TANC1: variants seen among roughly 807,000 people sequenced by gnomAD.
TANC1 encodes protein TANC1.
In TANC1, 77 loss-of-function variants were observed where a neutral mutation model predicts 149.7. The ratio of observed to expected loss-of-function variants is 0.51; its 90% CI spans 0.43 to 0.62. The LOEUF (loss-of-function observed/expected upper bound fraction) is 0.62. Among genes scored for constraint, TANC1 ranks in the 20% least tolerant of loss-of-function variants. The pLI, the probability that TANC1 is intolerant of heterozygous loss-of-function variation, is 0.00. For synonymous variants in TANC1, 854 were observed against 925.0 expected, an observed-to-expected ratio of 0.92 and a Z score of 1.39; for missense variants, 1,985 against 2,321.8, an observed-to-expected ratio of 0.85 and a Z score of 2.98.
rs758080063 is a variant in TANC1, at chr2:159,230,222, A to G, written c.4796A>G (p.Asp1599Gly). The stretch of plus-strand genomic sequence containing the variant: ...AGAGCTGGTTGTGGCCACTTTGGGG[A>G]TCGGCTGGGCCCCAGCCAGAATGTC... ...TTRAGCGHFGDRLGPSQNVRL... is the reference protein window; with the variant it reads ...TTRAGCGHFGGRLGPSQNVRL... The change falls in exon 27 of 27, where the codon GAT (aspartate) becomes GGT (glycine). Residue 1599 changes from aspartate to glycine, a missense_variant. Asp to Gly is a moderately conservative substitution (Grantham distance 94). Transcript: ENST00000263635. The surrounding 1 kb of genome is among the most constrained non-coding windows in gnomAD (Gnocchi z 4.4). 1.2e-6 allele frequency: 2 copies of G among 1,613,930 alleles called. No individual in the cohort carries two copies. Among genetic ancestry groups the G allele is most frequent in the South Asian group, 1.1e-5 (1 of 91,084 alleles).
intron 3 of TANC1, among the ~76,000 whole-genome samples, chr2:159,087,263 T>C (rs772467030): frequency 1.3e-5 from 2 of 152,162 alleles, no homozygotes; most frequent in African/African-American, 2.4e-5. Flanking sequence ...ATGTCCCCAC[T>C]GTTGAGTAGT....
intron 25 of TANC1, 71 bp downstream of exon 25, chr2:159,228,036 C>T: frequency 6.5e-7 from 1 of 1,533,288 alleles, no homozygotes; most frequent in Non-Finnish European, 8.8e-7. Flanking sequence ...GAAGGCCAGC[C>T]CTTCTCCAGA....
rs1553616294 is a variant in TANC1 at position 159,219,977 on chromosome 2, A to AGAGAGAGTGTGT, written c.3678+111_3678+112insAGAGAGTGTGTG. Reference sequence around the variant, plus strand: ...AGGTTGTGTCTCAGTGTCATCAGAGAGTGTGTGTGTGTGTGTGTGTGTGTG... The same window carrying AGAGAGAGTGTGT: ...AGGTTGTGTCTCAGTGTCATCAGAGAGAGAGAGTGTGTGTGTGTGTGTGTGTGTGTGTGTGTG... On this transcript the variant is annotated intron_variant, in intron 22 of 26. Coordinates refer to ENST00000263635, the MANE Select transcript of TANC1 (RefSeq NM_033394.3). 1.6e-5 allele frequency: 9 copies of AGAGAGAGTGTGT among 560,600 alleles called. No individual in the cohort carries two copies. The African/African-American group carries it at 1.7e-4, about 10-fold the overall frequency. The allele number at this position is 560,600 out of a possible 1,614,324, so 34.7% of individuals were successfully genotyped here. A position where few individuals can be genotyped will look rare whatever the true frequency, so the allele number is the denominator to read the frequency against.
intron 2 of TANC1, among the ~76,000 whole-genome samples, chr2:159,061,297 C>A (rs1287226700): frequency 6.6e-6 from 1 of 152,178 alleles, no homozygotes; most frequent in Admixed American, 6.5e-5. Context: ...CAATATGGCA[C>A]CTTGGCATAT....
intron 19 of TANC1, among the ~76,000 whole-genome samples, chr2:159,206,447 C>T (rs1300364255): frequency 6.6e-6 from 1 of 152,156 alleles, no homozygotes; most frequent in Non-Finnish European, 1.5e-5. Context: ...TCAGCATGTC[C>T]CCGCCCTGTA....
At chr2:159,163,589 C>T (rs2054272354) in intron 8 of TANC1, 43 bp downstream of exon 8, 1 of 1,585,512 alleles carries the variant, frequency 6.3e-7, no homozygotes, top group East Asian at 2.2e-5. Context: ...TCAGGGATAC[C>T]AAGGTGCCCT....
At chr2:159,173,390 T>C (rs772779202) in intron 11 of TANC1, among the ~76,000 whole-genome samples, 1 of 152,114 alleles carries the variant, frequency 6.6e-6, no homozygotes, top group Non-Finnish European at 1.5e-5. Context: ...ATCACTCCAG[T>C]GGTCAGGAGT....
At chr2:158,990,161 C>T (rs369144382) in intron 1 of TANC1, among the ~76,000 whole-genome samples, 27 of 151,994 alleles carry the variant, frequency 1.8e-4, no homozygotes, top group East Asian at 1.2e-3. Flanking sequence ...GTGATCTGCC[C>T]GCCTGACCTC....
rs2060165647 is a variant in TANC1 at position 159,228,702 on chromosome 2, A to G, written c.4051-94A>G. 4.8e-6 allele frequency: 4 copies of G among 825,308 alleles called. No homozygotes were observed. The South Asian group carries it at 6.0e-5, about 12-fold the overall frequency. 51.1% of individuals were successfully genotyped at this position (825,308 alleles called of 1,614,324 possible). On this transcript the variant is annotated intron_variant, in intron 25 of 26. Transcript: ENST00000263635. ...CTTCCTCCCTCTCTGGCTGTGCCTC[A>G]GAGCGCTGCTACCCTTTAGAACAAA...
Position 159,203,946 on chromosome 2 carries a change from G to A in TANC1, c.3244+4893G>A, listed in dbSNP as rs576883964. Among the ~76,000 whole-genome samples the A allele has an allele frequency of 6.6e-5, 10 of 152,308 alleles. No individual in the cohort carries two copies. In the East Asian group the frequency reaches 7.7e-4, roughly 12 times the overall value. On this transcript the variant is annotated intron_variant, in intron 19 of 26. Coordinates refer to ENST00000263635, the MANE Select transcript of TANC1 (RefSeq NM_033394.3). ...ACACCATTGTGTATGGCAACCGTCCGTTCTAGTGCTGCCCAATAGAACTTT... is the reference window on the plus strand; with the variant it reads ...ACACCATTGTGTATGGCAACCGTCCATTCTAGTGCTGCCCAATAGAACTTT...
At position 159,150,588 on chromosome 2, in the gene TANC1, C is replaced by T. The variant is rs2052678438; in HGVS notation, c.682+32C>T. ...AGCACACTGCTCGGTAACATAATGG[C>T]TCGAATCTCATCAACCAGAGCATTC... On this transcript the variant is annotated intron_variant, in intron 7 of 26. Coordinates refer to ENST00000263635, the MANE Select transcript of TANC1 (RefSeq NM_033394.3). The T allele has an allele frequency of 2.6e-6, 4 of 1,546,032 alleles. No individual in the cohort carries two copies. The South Asian group carries it at 4.5e-5, about 17-fold the overall frequency.
chr2:158,992,352 G>A (rs1237146468), intron 1 of TANC1, among the ~76,000 whole-genome samples: 2 of 147,822 alleles, frequency 1.4e-5, no homozygotes, highest in Non-Finnish European at 3.0e-5. Flanking sequence ...GCTACAGACT[G>A]ATACCCTGTC....
intron 16 of TANC1, among the ~76,000 whole-genome samples, chr2:159,188,983 G>A (rs1393924522): frequency 6.6e-6 from 1 of 152,192 alleles, no homozygotes; most frequent in African/African-American, 2.4e-5. Flanking sequence ...CTGCTGCTCT[G>A]CCACCTGGCT....
chr2:159,163,085 T>C lies in TANC1; in HGVS notation c.683-198T>C, dbSNP rs560514712. Among the ~76,000 whole-genome samples the C allele has an allele frequency of 1.2e-3, 186 of 152,284 alleles. 1 individual carries two copies. The highest frequency in any genetic ancestry group is 1.4e-3 in the Non-Finnish European group (95 of 68,030). On this transcript the variant is annotated intron_variant, in intron 7 of 26. Transcript: ENST00000263635. ...TCCCTCGCTCCTCTTCTCTGTAGAG[T>C]GATTTAGCAGCTTATTTCCCCTGGT...
chr2:159,072,312 G>T (rs769858499), intron 3 of TANC1, among the ~76,000 whole-genome samples: 4 of 152,190 alleles, frequency 2.6e-5, no homozygotes, highest in African/African-American at 9.7e-5. Flanking sequence ...AATGCTGGTT[G>T]TTCCCTCTGG....
At chr2:159,030,359 A>G (rs551579199) in intron 2 of TANC1, among the ~76,000 whole-genome samples, 2 of 152,222 alleles carry the variant, frequency 1.3e-5, no homozygotes, top group Non-Finnish European at 2.9e-5. Context: ...ATGTTATTCT[A>G]AAGTGTAGTA....
intron 7 of TANC1, among the ~76,000 whole-genome samples, chr2:159,161,463 A>T (rs981522951): frequency 6.6e-6 from 1 of 152,218 alleles, no homozygotes; most frequent in Non-Finnish European, 1.5e-5. Flanking sequence ...GTAACACCAC[A>T]ATCTGTGTTA....
intron 5 of TANC1, among the ~76,000 whole-genome samples, chr2:159,145,894 G>C (rs1439513624): frequency 1.3e-5 from 2 of 152,188 alleles, no homozygotes; most frequent in Non-Finnish European, 2.9e-5. Flanking sequence ...AATGAAAAGT[G>C]AAGTCTTCTC....
In TANC1 at chr2:159,230,616, T is replaced by C. The variant is rs1289441497; in HGVS notation, c.5190T>C (p.Thr1730=). ...NTPFMGIMDK[T]ARFQQQSNPP... ...CGTTCATGGGCATCATGGATAAGAC[T>C]GCGAGGTTCCAACAGCAGAGCAATC... The change falls in exon 27 of 27, where the codon ACT becomes ACC. Residue 1730 remains threonine (T), a synonymous_variant. Coordinates refer to ENST00000263635, the MANE Select transcript of TANC1 (RefSeq NM_033394.3). The surrounding 1 kb of genome is among the most constrained non-coding windows in gnomAD (Gnocchi z 4.4). 1 of 1,614,034 alleles carries C rather than the reference T, an allele frequency of 6.2e-7. No homozygotes were observed. Among genetic ancestry groups the C allele is most frequent in the Non-Finnish European group, 8.5e-7 (1 of 1,180,050 alleles).
Sources: gnomAD v4.1 joint callset for allele counts (sites outside exome capture counted in the v4.1 genomes callset) on GRCh38, gnomAD v4.1.1 for gene constraint, Gnocchi (gnomAD v3.1) non-coding constraint, MANE v1.5 for transcripts, NCBI Gene and HGNC (gene_info 2026-07-23, HGNC 2026-07-21) for gene names.